The following KLF12 variants were observed in gnomAD, a reference collection of about 807,000 sequenced individuals.
The protein encoded by KLF12 is Krueppel-like factor 12.
KLF12 carries 9 observed loss-of-function variants against 37.8 expected under a neutral mutation model. The observed-to-expected ratio is 0.24, with a 90% CI of 0.14 to 0.42. The LOEUF (loss-of-function observed/expected upper bound fraction) is 0.42. Among genes scored for constraint, KLF12 ranks in the 10% least tolerant of loss-of-function variants. The pLI is 1.00. For synonymous variants in KLF12, 208 were observed against 202.1 expected, an observed-to-expected ratio of 1.03 and a Z score of -0.25; for missense variants, 411 against 516.0, an observed-to-expected ratio of 0.80 and a Z score of 1.97.
At chr13:73,942,000 G>A (rs1482531522) in intron 3 of KLF12, among the ~76,000 whole-genome samples, 1 of 151,990 alleles carries the variant, frequency 6.6e-6, no homozygotes, top group African/African-American at 2.4e-5. Context: ...CCCTCTCTAA[G>A]GACAAAAAAA....
chr13:73,780,298 G>A (rs548394053), intron 5 of KLF12, among the ~76,000 whole-genome samples: 1 of 152,210 alleles, frequency 6.6e-6, no homozygotes, highest in South Asian at 2.1e-4. Flanking sequence ...GCACGGAAAA[G>A]TTCCTTAATG....
intron 1 of KLF12, among the ~76,000 whole-genome samples, chr13:74,110,710 T>C (rs545248252): frequency 3.3e-5 from 5 of 152,244 alleles, no homozygotes; most frequent in African/African-American, 9.6e-5. Flanking sequence ...TTGGTCTCGG[T>C]TGAGTTAAAT....
At position 73,933,604 on chromosome 13, in the gene KLF12, T is replaced by C. The variant is rs557821067; in HGVS notation, c.123+10377A>G. Among the ~76,000 whole-genome samples the C allele has an allele frequency of 2.6e-5, 4 of 152,300 alleles. No individual in the cohort carries two copies. In the South Asian group the frequency reaches 6.2e-4, roughly 24 times the overall value. On this transcript the variant is annotated intron_variant, in intron 3 of 7. Transcript: ENST00000377669. ...TCTTCCTCTAGAGTTACAAGAAGGA[T>C]GCTGTCAAAGCCAAAATTCATCTAA...
At chr13:74,139,328 C>A in the KLF12 span, among the ~76,000 whole-genome samples, 732 of 152,318 alleles carry the variant, frequency 4.8e-3, 5 homozygotes, top group South Asian at 0.021. Context: ...TTTAGCCTTT[C>A]TTTTACCCTC....
At chr13:74,183,801 G>C in the KLF12 span, among the ~76,000 whole-genome samples, 1 of 152,076 alleles carries the variant, frequency 6.6e-6, no homozygotes, top group Admixed American at 6.6e-5. Context: ...GCTGGGCATG[G>C]TGGCACATGC....
intron 6 of KLF12, among the ~76,000 whole-genome samples, chr13:73,721,828 G>C (rs1419518316): frequency 6.6e-6 from 1 of 151,114 alleles, no homozygotes; most frequent in Admixed American, 6.6e-5. Context: ...TGGGATTATA[G>C]GTATGAGACA....
At chr13:73,733,651 G>A (rs1877237075) in intron 6 of KLF12, among the ~76,000 whole-genome samples, 1 of 152,094 alleles carries the variant, frequency 6.6e-6, no homozygotes, top group African/African-American at 2.4e-5. Flanking sequence ...ATCTGTTTGG[G>A]TCCCTGCTTC....
chr13:73,825,390 C>T (rs896389077), intron 4 of KLF12, among the ~76,000 whole-genome samples: 5 of 152,162 alleles, frequency 3.3e-5, no homozygotes, highest in Admixed American at 6.5e-5. Flanking sequence ...AATTCTGTCT[C>T]GAGACAGTCC....
chr13:74,296,104 C>G, the KLF12 span, among the ~76,000 whole-genome samples: 4 of 151,950 alleles, frequency 2.6e-5, no homozygotes, highest in Admixed American at 2.6e-4. Context: ...CAGGCATAAA[C>G]CACTGTGCCT....
At chr13:74,219,903 TTTCTTTTCTTTTAAAAC>T in the KLF12 span, among the ~76,000 whole-genome samples, 223 of 152,290 alleles carry the variant, frequency 1.5e-3, no homozygotes, top group Non-Finnish European at 2.8e-3. Context: ...CAGGTGTAAG[TTTCTTTTCTTTTAAAAC>T]TTCTTTTCTT....
At chr13:74,250,707 A>G in the KLF12 span, among the ~76,000 whole-genome samples, 1 of 152,192 alleles carries the variant, frequency 6.6e-6, no homozygotes, top group Admixed American at 6.5e-5. Context: ...CTTCAAAAAA[A>G]GATCAAGGCT....
chr13:73,987,735 G>A (rs998572911), intron 2 of KLF12, among the ~76,000 whole-genome samples: 2 of 144,000 alleles, frequency 1.4e-5, no homozygotes, highest in South Asian at 4.8e-4. Context: ...GAGGAAGTGG[G>A]AGGAAAGAGG....
chr13:74,147,709 C>T, the KLF12 span, among the ~76,000 whole-genome samples: 2 of 152,098 alleles, frequency 1.3e-5, no homozygotes, highest in South Asian at 4.2e-4. Context: ...TTCTTTTTTC[C>T]CTAAGAAAAC....
chr13:73,951,287 T>C (rs563138561), intron 2 of KLF12, among the ~76,000 whole-genome samples: 3 of 152,274 alleles, frequency 2.0e-5, no homozygotes, highest in South Asian at 2.1e-4. Context: ...GATATATCAG[T>C]GGGCAAAAAA....
At chr13:73,822,306 A>T (rs1883573902) in intron 4 of KLF12, among the ~76,000 whole-genome samples, 1 of 152,232 alleles carries the variant, frequency 6.6e-6, no homozygotes, top group African/African-American at 2.4e-5. Context: ...CATAATTTTT[A>T]TTCACTTTTC....
intron 2 of KLF12, among the ~76,000 whole-genome samples, chr13:73,947,334 C>T (rs1294127952): frequency 1.3e-5 from 2 of 152,128 alleles, no homozygotes; most frequent in Admixed American, 6.6e-5. Flanking sequence ...GAAGGATAAT[C>T]TTGATATCCC....
intron 3 of KLF12, among the ~76,000 whole-genome samples, chr13:73,877,575 T>A (rs527640222): frequency 1.3e-5 from 2 of 152,306 alleles, no homozygotes; most frequent in African/African-American, 4.8e-5. Flanking sequence ...CCCATTGTCT[T>A]CTAGCTGCCA....
At position 73,713,328 on chromosome 13, in the gene KLF12, T is replaced by C. The variant is rs1428594923; in HGVS notation, c.1027+2040A>G. Among the ~76,000 whole-genome samples the C allele has an allele frequency of 2.6e-5, 4 of 152,130 alleles. No individual in the cohort carries two copies. In the East Asian group the frequency reaches 5.8e-4, roughly 22 times the overall value. On this transcript the variant is annotated intron_variant, in intron 7 of 7. Coordinates refer to ENST00000377669, the MANE Select transcript of KLF12 (RefSeq NM_007249.5). ...GTCTTCAGATTGTGTTGCAGAAGAA[T>C]ATGCGGCCACTCAGAGCATTTAAGG...
intron 4 of KLF12, among the ~76,000 whole-genome samples, chr13:73,827,053 T>C (rs1168236714): frequency 6.6e-6 from 1 of 152,206 alleles, no homozygotes; most frequent in Non-Finnish European, 1.5e-5. Flanking sequence ...AGCACAAGGA[T>C]TACAGGCATG....
Sources: gnomAD v4.1 joint callset for allele counts (sites outside exome capture counted in the v4.1 genomes callset) on GRCh38, gnomAD v4.1.1 for gene constraint, MANE v1.5 for transcripts, NCBI Gene and HGNC (gene_info 2026-07-23, HGNC 2026-07-21) for gene names.